Variants in RYR3 observed in about 807,000 individuals in gnomAD.
The protein encoded by RYR3 is brain ryanodine receptor-calcium release channel.
A neutral mutation model predicts 584.3 loss-of-function variants in RYR3; 207 were observed. The ratio of observed to expected loss-of-function variants is 0.35; its 90% CI spans 0.32 to 0.40. The LOEUF is 0.40. Ranked by LOEUF, RYR3 falls within the 10% of genes least tolerant of loss-of-function variation. RYR3 has a pLI of 1.00. For missense variants in RYR3, 5,616 were observed against 6,089.2 expected, an observed-to-expected ratio of 0.92 and a Z score of 2.59; for synonymous variants, 2,416 against 2,248.5, an observed-to-expected ratio of 1.07 and a Z score of -2.11.
chr15:33,823,685 C>G (rs1342694688), intron 81 of RYR3, among the ~76,000 whole-genome samples: 2 of 152,074 alleles, frequency 1.3e-5, no homozygotes, highest in East Asian at 3.8e-4. Flanking sequence ...ATGGCTCTGA[C>G]ACATAAATAA....
At chr15:33,852,485 G>A (rs531362014) in intron 94 of RYR3, 2 of 154,964 alleles carry the variant, frequency 1.3e-5, no homozygotes, top group African/African-American at 4.8e-5. Flanking sequence ...CAGGCCCTGT[G>A]GCATTACGTG....
rs527855635 is a variant in RYR3 at position 33,748,111 on chromosome 15, T to C, written c.7990-3T>C. On this transcript the variant is annotated splice_polypyrimidine_tract_variant and splice_region_variant and intron_variant, in intron 53 of 103. Coordinates refer to ENST00000634891, the MANE Select transcript of RYR3 (RefSeq NM_001036.6). ...AAGTGCTTCTGCTCAAATTCTCTTC[T>C]AGGAGAAGGAAATTTATCGCTGGCC... 2.1e-5 allele frequency: 34 copies of C among 1,613,430 alleles called. No individual in the cohort carries two copies. Among genetic ancestry groups the C allele is most frequent in the South Asian group, 1.6e-4 (15 of 91,046 alleles).
intron 1 of RYR3, among the ~76,000 whole-genome samples, chr15:33,433,738 C>A (rs2045414431): frequency 6.6e-6 from 1 of 152,214 alleles, no homozygotes; most frequent in African/African-American, 2.4e-5. Context: ...TTCAGGCTTT[C>A]AATGTATTTG....
At position 33,583,279 on chromosome 15, in the gene RYR3, C is replaced by G. The variant is rs141791614; in HGVS notation, c.1574-1116C>G. On this transcript the variant is annotated intron_variant, in intron 14 of 103. Transcript: ENST00000634891. ...TTAGATATTTTATAGTTACATGTTGCTATTATTCATCCATTAGTGTATAGC... is the reference window on the plus strand; with the variant it reads ...TTAGATATTTTATAGTTACATGTTGGTATTATTCATCCATTAGTGTATAGC... Among the ~76,000 whole-genome samples the G allele has an allele frequency of 7.2e-5, 11 of 152,282 alleles. No homozygotes were observed. In the East Asian group the frequency reaches 1.9e-3, roughly 27 times the overall value.
At chr15:33,813,977 G>A (rs575786180) in intron 74 of RYR3, among the ~76,000 whole-genome samples, 1 of 152,310 alleles carries the variant, frequency 6.6e-6, no homozygotes, top group African/African-American at 2.4e-5. Flanking sequence ...TCAGGAACTT[G>A]ACACTGAAAT....
In RYR3 at chr15:33,859,609, C is replaced by G. The variant is rs1162778289; in HGVS notation, c.14177C>G (p.Ala4726Gly). 6.2e-7 allele frequency: 1 copy of G among 1,613,874 alleles called. No individual in the cohort carries two copies. The highest frequency in any genetic ancestry group is 8.5e-7 in the Non-Finnish European group (1 of 1,179,896). Residue 4726 changes from alanine (A) to glycine (G), a missense_variant, in exon 100 of 104, where the codon GCA becomes GGA. By Grantham distance (60) the Ala-to-Gly change is moderately conservative. Transcript: ENST00000634891. ...TTCCACATGTACGTGGGAGTGAGAGCAGGAGGTGGCATTGGTGATGAAATT... is the reference window on the plus strand; with the variant it reads ...TTCCACATGTACGTGGGAGTGAGAGGAGGAGGTGGCATTGGTGATGAAATT... ...YLFHMYVGVRAGGGIGDEIED... is the reference protein window; with the variant it reads ...YLFHMYVGVRGGGGIGDEIED...
Position 33,813,000 on chromosome 15 carries a change from G to C in RYR3, c.10389+6G>C. On this transcript the variant is annotated splice_donor_region_variant and intron_variant, in intron 73 of 103. Coordinates refer to ENST00000634891, the MANE Select transcript of RYR3 (RefSeq NM_001036.6). ...CTGTCTTCCACCTGGAACAGGTAAG[G>C]AGCATCTGCCCTGAGGAATGGGGAA... The C allele has an allele frequency of 2.5e-6, 4 of 1,613,928 alleles. No homozygotes were observed. Among genetic ancestry groups the C allele is most frequent in the Non-Finnish European group, 2.5e-6 (3 of 1,179,856 alleles).
chr15:33,435,269 A>G (rs892483723), intron 1 of RYR3, among the ~76,000 whole-genome samples: 4 of 152,112 alleles, frequency 2.6e-5, no homozygotes, highest in Non-Finnish European at 4.4e-5. Flanking sequence ...CCAACCTCTG[A>G]TAATTATAAT....
chr15:33,582,613 T>A (rs1312560817), intron 14 of RYR3, among the ~76,000 whole-genome samples: 1 of 152,212 alleles, frequency 6.6e-6, no homozygotes, highest in Admixed American at 6.5e-5. Context: ...CAGTTATTAT[T>A]ATTACTGTCA....
At chr15:33,624,587 G>A (rs958090258) in intron 20 of RYR3, among the ~76,000 whole-genome samples, 1 of 152,232 alleles carries the variant, frequency 6.6e-6, no homozygotes, top group Non-Finnish European at 1.5e-5. Flanking sequence ...TGGGCTCTGG[G>A]AAGAGGGAGG....
chr15:33,698,680 G>A (rs1276118956), intron 40 of RYR3, among the ~76,000 whole-genome samples: 2 of 152,102 alleles, frequency 1.3e-5, no homozygotes, highest in African/African-American at 4.8e-5. Context: ...ACTGGGGAGG[G>A]GGTGGGTGTG....
intron 5 of RYR3, among the ~76,000 whole-genome samples, chr15:33,536,110 C>T (rs190417968): frequency 3.4e-4 from 52 of 152,268 alleles, no homozygotes; most frequent in East Asian, 1.5e-3. Flanking sequence ...GAGGTTCACA[C>T]GGAATCCAAC....
chr15:33,732,735 C>T (rs1048689010), intron 48 of RYR3, among the ~76,000 whole-genome samples: 9 of 152,296 alleles, frequency 5.9e-5, no homozygotes, highest in Admixed American at 3.3e-4. Flanking sequence ...AGGCCACATC[C>T]GAGCCCAAAA....
At chr15:33,626,436 C>A (rs1049336649) in intron 20 of RYR3, among the ~76,000 whole-genome samples, 2 of 151,964 alleles carry the variant, frequency 1.3e-5, no homozygotes, top group Admixed American at 1.3e-4. Flanking sequence ...GGAAGCAGAG[C>A]GTAAAAGTTT....
At chr15:33,830,186 C>G (rs1264573214) in intron 85 of RYR3, among the ~76,000 whole-genome samples, 1 of 152,220 alleles carries the variant, frequency 6.6e-6, no homozygotes, top group African/African-American at 2.4e-5. Context: ...GTACATGCGT[C>G]TTTCATGAAA....
At chr15:33,702,167 G>C (rs1275299157) in intron 42 of RYR3, among the ~76,000 whole-genome samples, 1 of 152,190 alleles carries the variant, frequency 6.6e-6, no homozygotes, top group South Asian at 2.1e-4. Context: ...GCACAGCCAG[G>C]CATCGAGAGC....
At chr15:33,852,696 T>C (rs557802472) in intron 94 of RYR3, 26 of 203,966 alleles carry the variant, frequency 1.3e-4, no homozygotes, top group African/African-American at 4.0e-4. Context: ...CTGTGTTTTC[T>C]GTAGCATTTT....
chr15:33,748,569 C>T (rs765604233), intron 55 of RYR3, 39 bp downstream of exon 55: 6 of 1,521,018 alleles, frequency 3.9e-6, no homozygotes, highest in Non-Finnish European at 9.1e-7. Context: ...CTTTCAAGTG[C>T]AGGACGCATT....
chr15:33,339,329 C>T (rs557652323), intron 1 of RYR3, among the ~76,000 whole-genome samples: 1 of 152,178 alleles, frequency 6.6e-6, no homozygotes. Flanking sequence ...AGGAAGACTT[C>T]TGCCCGTATT....
Sources: allele counts gnomAD v4.1 joint callset (sites outside exome capture counted in the v4.1 genomes callset), GRCh38; gene constraint gnomAD v4.1.1; transcripts MANE v1.5; gene names NCBI Gene and HGNC (gene_info 2026-07-23, HGNC 2026-07-21).